GALNT5: variants seen among roughly 807,000 people sequenced by gnomAD.
The protein encoded by GALNT5 is UDP-GalNAc:polypeptide N-acetylgalactosaminyltransferase 5.
In GALNT5, 72 loss-of-function variants were observed where a neutral mutation model predicts 85.4. The ratio of observed to expected loss-of-function variants is 0.84; its 90% confidence interval spans 0.70 to 1.03. The LOEUF is 1.03. Ranked by LOEUF, GALNT5 falls within the 50% of genes least tolerant of loss-of-function variation. The probability of loss-of-function intolerance (pLI) is 0.00; values close to 1 mark genes in which losing one functional copy is unlikely to be tolerated. For missense variants in GALNT5, 1,137 were observed against 1,135.5 expected (o/e 1.00, Z -0.02); for synonymous variants, 404 against 397.0 (o/e 1.02, Z -0.21).
chr2:157,296,172 T>C lies in GALNT5; in HGVS notation c.1878-222T>C, dbSNP rs187435642. On this transcript the variant is annotated intron_variant, in intron 4 of 9. Transcript: ENST00000259056. ...TTTTTTTCTTCAAAACTGGCTAGCA[T>C]ATTGTTATTATAAAAGTATAAGTTA... Among the ~76,000 whole-genome samples, 12 of 152,268 alleles carry C rather than the reference T, an allele frequency of 7.9e-5. No individual in the cohort carries two copies. In the East Asian group the frequency reaches 2.3e-3, roughly 29 times the overall value.
chr2:157,264,281 C>CTA (rs1202406303), intron 1 of GALNT5, among the ~76,000 whole-genome samples: 5 of 151,978 alleles, frequency 3.3e-5, no homozygotes, highest in Non-Finnish European at 7.4e-5. Flanking sequence ...TGGCCTGAAG[C>CTA]TATAGTTAAG....
At position 157,259,146 on chromosome 2, in the gene GALNT5, A is replaced by G. The variant is rs775570741; in HGVS notation, c.1064A>G (p.Gln355Arg). ...TIFPKVLGKS[Q>R]SKHISRNRSE... ...TTTCCTAAAGTATTGGGTAAAAGCC[A>G]AAGTAAACACATTTCCAGGAATAGA... Residue 355 changes from glutamine to arginine, a missense_variant, in exon 1 of 10, where the codon CAA (glutamine) becomes CGA (arginine). Transcript: ENST00000259056. The G allele has an allele frequency of 1.3e-6, 2 of 1,496,140 alleles. No individual in the cohort carries two copies. The highest frequency in any genetic ancestry group is 1.5e-5 in the South Asian group (1 of 67,766). The allele number at this position is 1,496,140 out of a possible 1,614,324, so 92.7% of individuals were successfully genotyped here. A position where few individuals can be genotyped will look rare whatever the true frequency, so the allele number is the denominator to read the frequency against.
chr2:157,271,085 C>T (rs1441431175), intron 1 of GALNT5, among the ~76,000 whole-genome samples: 2 of 150,076 alleles, frequency 1.3e-5, no homozygotes, highest in Admixed American at 6.6e-5. Flanking sequence ...CACTCCACTC[C>T]AGCCCAGACT....
chr2:157,295,238 T>A (rs1351277484), intron 3 of GALNT5, among the ~76,000 whole-genome samples: 1 of 152,150 alleles, frequency 6.6e-6, no homozygotes, highest in Non-Finnish European at 1.5e-5. Flanking sequence ...TCATCCCTAT[T>A]GTGTGAAGTA....
chr2:157,283,565 A>G (rs1682900574), intron 1 of GALNT5, among the ~76,000 whole-genome samples: 1 of 152,202 alleles, frequency 6.6e-6, no homozygotes, highest in African/African-American at 2.4e-5. Flanking sequence ...ACGGAAGCTA[A>G]AAAGAGTTTA....
intron 3 of GALNT5, among the ~76,000 whole-genome samples, chr2:157,290,837 G>A (rs576247562): frequency 2.0e-5 from 3 of 152,074 alleles, no homozygotes; most frequent in Non-Finnish European, 4.4e-5. Flanking sequence ...GAGGCTCTCT[G>A]AAAGTCTGCA....
At chr2:157,271,693 G>A (rs1184415670) in intron 1 of GALNT5, among the ~76,000 whole-genome samples, 2 of 152,202 alleles carry the variant, frequency 1.3e-5, no homozygotes, top group African/African-American at 4.8e-5. Context: ...AGAGGAGCTG[G>A]TTGGGTTGAG....
intron 1 of GALNT5, among the ~76,000 whole-genome samples, chr2:157,262,207 TA>T (rs535714685): frequency 0.046 from 4,522 of 97,790 alleles, 113 homozygotes; most frequent in African/African-American, 0.092. Context: ...CCAAAAAATG[TA>T]AAAAAAAAAA....
chr2:157,295,446 A>G (rs1456205773), intron 3 of GALNT5, among the ~76,000 whole-genome samples: 1 of 152,032 alleles, frequency 6.6e-6, no homozygotes, highest in Non-Finnish European at 1.5e-5. Flanking sequence ...TTTTTTCCAA[A>G]CATAAATTAT....
chr2:157,269,032 G>A (rs1350930792), intron 1 of GALNT5, among the ~76,000 whole-genome samples: 1 of 152,100 alleles, frequency 6.6e-6, no homozygotes, highest in Non-Finnish European at 1.5e-5. Context: ...AATTAGGTTG[G>A]TGTAGGATAA....
Position 157,257,995 on chromosome 2 carries a change from G to A in GALNT5, c.-88G>A. The A allele has an allele frequency of 6.9e-7, 1 of 1,438,888 alleles. No homozygotes were observed. The highest frequency in any genetic ancestry group is 9.7e-7 in the Non-Finnish European group (1 of 1,036,196). The allele number at this position is 1,438,888 out of a possible 1,614,324, so 89.1% of individuals were successfully genotyped here. A position where few individuals can be genotyped will look rare whatever the true frequency, so the allele number is the denominator to read the frequency against. On this transcript the variant is annotated 5_prime_UTR_variant, in exon 1 of 10. Transcript: ENST00000259056. Reference sequence around the variant, plus strand: ...GTCACTTTCTGGCAACTCTGCTGCTGCTGCTGCTGCTGCTGCTACTTCAGC... The same window carrying A: ...GTCACTTTCTGGCAACTCTGCTGCTACTGCTGCTGCTGCTGCTACTTCAGC...
intron 1 of GALNT5, among the ~76,000 whole-genome samples, chr2:157,282,841 A>C (rs1682885386): frequency 6.6e-6 from 1 of 152,198 alleles, no homozygotes; most frequent in African/African-American, 2.4e-5. Context: ...GATTTGAAGA[A>C]GTGTATAATA....
chr2:157,296,332 A>G, intron 4 of GALNT5, 62 bp from the exon 5 acceptor site: 1 of 1,351,994 alleles, frequency 7.4e-7, no homozygotes, highest in Non-Finnish European at 1.0e-6. Context: ...AGCCAAATCG[A>G]TAAAGTATAT....
intron 3 of GALNT5, among the ~76,000 whole-genome samples, chr2:157,287,208 T>C (rs1000258951): frequency 6.6e-6 from 1 of 152,212 alleles, no homozygotes; most frequent in African/African-American, 2.4e-5. Flanking sequence ...GACACATTGA[T>C]CCATGAAAAT....
intron 3 of GALNT5, among the ~76,000 whole-genome samples, chr2:157,293,546 G>A (rs1029539742): frequency 5.9e-5 from 9 of 152,178 alleles, no homozygotes; most frequent in African/African-American, 1.9e-4. Context: ...TGTCAAACAA[G>A]CATTAATGCC....
At chr2:157,273,603 T>C (rs1682643061) in intron 1 of GALNT5, among the ~76,000 whole-genome samples, 1 of 147,342 alleles carries the variant, frequency 6.8e-6, no homozygotes, top group Non-Finnish European at 1.5e-5. Flanking sequence ...ATTTTAAATT[T>C]TTTATTTGAA....
At position 157,314,287 on chromosome 2, in the gene GALNT5, A is replaced by G. The variant is rs900415597; in HGVS notation, c.*2939A>G. On this transcript the variant is annotated 3_prime_UTR_variant, in exon 10 of 10. Coordinates refer to ENST00000259056, the MANE Select transcript of GALNT5 (RefSeq NM_014568.3). ...GGTCTTGATAATATTTGACAGCACTAACCAACTTACCAAGCCATCTAAGTG... is the reference window on the plus strand; with the variant it reads ...GGTCTTGATAATATTTGACAGCACTGACCAACTTACCAAGCCATCTAAGTG... The G allele has an allele frequency of 6.6e-6, 1 of 152,028 alleles. No individual in the cohort carries two copies. Among genetic ancestry groups the G allele is most frequent in the African/African-American group, 2.4e-5 (1 of 41,374 alleles). The allele number at this position is 152,028 out of a possible 1,614,324, so 9.4% of individuals were successfully genotyped here. A position where few individuals can be genotyped will look rare whatever the true frequency, so the allele number is the denominator to read the frequency against.
At chr2:157,306,387 A>G (rs1448344160) in intron 8 of GALNT5, among the ~76,000 whole-genome samples, 2 of 152,172 alleles carry the variant, frequency 1.3e-5, no homozygotes, top group Non-Finnish European at 2.9e-5. Context: ...AACCAAATCC[A>G]TGATCCATGG....
intron 1 of GALNT5, among the ~76,000 whole-genome samples, chr2:157,274,971 G>A (rs7608776): frequency 2.2e-3 from 335 of 152,254 alleles, no homozygotes; most frequent in African/African-American, 7.6e-3. Flanking sequence ...TAGGTCTAAC[G>A]TTTAAGTCTT....
Sources: gnomAD v4.1 joint callset for allele counts (sites outside exome capture counted in the v4.1 genomes callset) on GRCh38, gnomAD v4.1.1 for gene constraint, MANE v1.5 for transcripts, NCBI Gene and HGNC (gene_info 2026-07-23, HGNC 2026-07-21) for gene names.